The following TASP1 variants were observed in gnomAD, a reference collection of about 807,000 sequenced individuals.
TASP1 encodes the protein threonine aspartase 1.
Under a neutral mutation model 56.6 loss-of-function variants are expected in TASP1, and 16 were observed. The ratio of observed to expected loss-of-function variants is 0.28; its 90% CI spans 0.19 to 0.43. The LOEUF (loss-of-function observed/expected upper bound fraction) is 0.43, where lower values mean the gene tolerates loss of function less well. Among genes scored for constraint, TASP1 ranks in the 20% least tolerant of loss-of-function variants. TASP1 has a pLI of 1.00. For missense variants in TASP1, 393 were observed against 511.6 expected, an observed-to-expected ratio of 0.77 and a Z score of 2.24; for synonymous variants, 179 against 184.2, an observed-to-expected ratio of 0.97 and a Z score of 0.23.
chr20:13,534,253 C>G (rs1052805480), intron 8 of TASP1, 112 bp from the exon 9 acceptor site: 36 of 1,287,284 alleles, frequency 2.8e-5, no homozygotes, highest in Middle Eastern at 4.0e-4. Flanking sequence ...AAACTAATCC[C>G]TAAGTGGAAC....
intron 6 of TASP1, among the ~76,000 whole-genome samples, chr20:13,574,008 G>C (rs1306797975): frequency 2.6e-5 from 4 of 152,082 alleles, no homozygotes; most frequent in Admixed American, 2.6e-4. Flanking sequence ...TGCATATAGA[G>C]AGTACGCTAG....
At chr20:13,431,147 A>ATCGTT (rs1555847519) in intron 12 of TASP1, among the ~76,000 whole-genome samples, 3 of 151,964 alleles carry the variant, frequency 2.0e-5, no homozygotes, top group African/African-American at 7.3e-5. Flanking sequence ...AATTTTGGAA[A>ATCGTT]TTGTTTTATT....
At chr20:13,275,163 T>A in the TASP1 span, among the ~76,000 whole-genome samples, 1 of 152,216 alleles carries the variant, frequency 6.6e-6, no homozygotes, top group Non-Finnish European at 1.5e-5. Flanking sequence ...AGTATTCATT[T>A]CAACCCATAT....
intron 11 of TASP1, among the ~76,000 whole-genome samples, chr20:13,460,008 C>T (rs2043994849): frequency 6.6e-6 from 1 of 152,126 alleles, no homozygotes; most frequent in Admixed American, 6.6e-5. Context: ...CAGCTACCAC[C>T]CCATTATCTT....
intron 4 of TASP1, among the ~76,000 whole-genome samples, chr20:13,604,282 G>C (rs1158449460): frequency 6.6e-6 from 1 of 152,172 alleles, no homozygotes; most frequent in Non-Finnish European, 1.5e-5. Context: ...ATACTTCATA[G>C]AATGGCTTGG....
intron 4 of TASP1, among the ~76,000 whole-genome samples, chr20:13,618,336 C>A (rs938377880): frequency 2.6e-5 from 4 of 152,056 alleles, no homozygotes; most frequent in Non-Finnish European, 5.9e-5. Context: ...TCATTTGAAC[C>A]CGGGAGGTGG....
intron 11 of TASP1, among the ~76,000 whole-genome samples, chr20:13,451,092 G>A (rs538065146): frequency 1.3e-5 from 2 of 152,176 alleles, no homozygotes; most frequent in South Asian, 4.1e-4. Flanking sequence ...ATTTTGAAAG[G>A]AATATTTTTT....
chr20:13,308,346 T>C, the TASP1 span, among the ~76,000 whole-genome samples: 6 of 152,176 alleles, frequency 3.9e-5, no homozygotes, highest in African/African-American at 1.2e-4. Context: ...TAATAACTAG[T>C]GAGCCAGAAT....
At chr20:13,164,308 A>C in the TASP1 span, 1 of 471,014 alleles carries the variant, frequency 2.1e-6, no homozygotes, top group Admixed American at 2.4e-5. Context: ...GAGAGGACAG[A>C]GGATGATGTT....
intron 9 of TASP1, among the ~76,000 whole-genome samples, chr20:13,533,541 T>C (rs1394667546): frequency 6.6e-6 from 1 of 152,172 alleles, no homozygotes; most frequent in East Asian, 1.9e-4. Context: ...GAAATACTGG[T>C]TATTTTCTAA....
At chr20:13,465,211 AAAAAGGTT>A (rs1195857782) in intron 11 of TASP1, among the ~76,000 whole-genome samples, 7 of 151,572 alleles carry the variant, frequency 4.6e-5, no homozygotes, top group African/African-American at 1.5e-4. Context: ...GAAAGGAAAA[AAAAAGGTT>A]AAAATGGTAA....
the TASP1 span, among the ~76,000 whole-genome samples, chr20:13,207,934 G>T: frequency 6.6e-6 from 1 of 151,908 alleles, no homozygotes; most frequent in African/African-American, 2.4e-5. Context: ...TTTACCACAG[G>T]ATTCCTGGAA....
the TASP1 span, among the ~76,000 whole-genome samples, chr20:13,158,051 C>T: frequency 6.6e-6 from 1 of 152,182 alleles, no homozygotes; most frequent in East Asian, 1.9e-4. Flanking sequence ...ACCCATAAAA[C>T]ATACACTTAA....
chr20:13,273,977 T>C, the TASP1 span, among the ~76,000 whole-genome samples: 2 of 152,128 alleles, frequency 1.3e-5, no homozygotes, highest in Admixed American at 6.5e-5. Flanking sequence ...AAAATGTTAG[T>C]ATTGGTCACT....
intron 8 of TASP1, among the ~76,000 whole-genome samples, chr20:13,535,969 T>C (rs1171486027): frequency 1.3e-5 from 2 of 152,216 alleles, no homozygotes; most frequent in Non-Finnish European, 2.9e-5. Context: ...AAACATTTTA[T>C]TCCAGAAAAG....
At chr20:13,380,453 G>A in the TASP1 span, among the ~76,000 whole-genome samples, 22 of 152,098 alleles carry the variant, frequency 1.4e-4, no homozygotes, top group African/African-American at 4.1e-4. Flanking sequence ...TGGAAGCTTC[G>A]TCCCAGAGGG....
intron 8 of TASP1, among the ~76,000 whole-genome samples, chr20:13,554,294 T>G (rs561341188): frequency 6.6e-6 from 1 of 152,328 alleles, no homozygotes; most frequent in East Asian, 1.9e-4. Context: ...ATGCATTTCT[T>G]AAACCACAGT....
At chr20:13,492,001 T>C (rs1309729584) in intron 10 of TASP1, among the ~76,000 whole-genome samples, 1 of 152,182 alleles carries the variant, frequency 6.6e-6, no homozygotes, top group African/African-American at 2.4e-5. Flanking sequence ...ACTTTTTGTC[T>C]TCTAAACCAC....
chr20:13,358,849 G>A, the TASP1 span, among the ~76,000 whole-genome samples: 4 of 151,372 alleles, frequency 2.6e-5, no homozygotes, highest in Non-Finnish European at 5.9e-5. Flanking sequence ...GGCAAGTCCC[G>A]CTTTTCTGGG....
Sources: gnomAD v4.1 joint callset for allele counts (sites outside exome capture counted in the v4.1 genomes callset) on GRCh38, gnomAD v4.1.1 for gene constraint, MANE v1.5 for transcripts, NCBI Gene and HGNC (gene_info 2026-07-23, HGNC 2026-07-21) for gene names.